Variants in ROBO2 observed in about 807,000 individuals in gnomAD.
The protein encoded by ROBO2 is roundabout homolog 2.
A neutral mutation model predicts 160.8 loss-of-function variants in ROBO2; 53 were observed. The observed-to-expected ratio is 0.33, with a 90% CI of 0.26 to 0.41. The LOEUF (loss-of-function observed/expected upper bound fraction) is 0.41, where lower values mean the gene tolerates loss of function less well. Ranked by LOEUF, ROBO2 falls within the 10% of genes least tolerant of loss-of-function variation. ROBO2 has a pLI of 1.00. For synonymous variants in ROBO2, 664 were observed against 611.7 expected, an observed-to-expected ratio of 1.09 and a Z score of -1.26; for missense variants, 1,577 against 1,722.4, an observed-to-expected ratio of 0.92 and a Z score of 1.49.
intron 2 of ROBO2, among the ~76,000 whole-genome samples, chr3:76,671,130 A>C (rs2092247591): frequency 6.6e-6 from 1 of 152,196 alleles, no homozygotes; most frequent in Non-Finnish European, 1.5e-5. Context: ...GTCTTCTCTA[A>C]ATAGTCATGT....
At chr3:76,175,545 G>T (rs1001574885) in intron 2 of ROBO2, among the ~76,000 whole-genome samples, 13 of 151,994 alleles carry the variant, frequency 8.6e-5, no homozygotes, top group African/African-American at 2.7e-4. Context: ...ATGACATAAT[G>T]TAGGGACCTC....
chr3:76,163,312 G>C (rs1198275069), intron 2 of ROBO2, among the ~76,000 whole-genome samples: 2 of 151,670 alleles, frequency 1.3e-5, no homozygotes, highest in Non-Finnish European at 2.9e-5. Context: ...TGTTAGGTTA[G>C]AGAATTTTAA....
At chr3:77,447,177 C>T (rs901533236) in intron 2 of ROBO2, among the ~76,000 whole-genome samples, 1 of 152,068 alleles carries the variant, frequency 6.6e-6, no homozygotes, top group African/African-American at 2.4e-5. Context: ...TGAAATGTTT[C>T]ATAGCAACAG....
intron 2 of ROBO2, among the ~76,000 whole-genome samples, chr3:76,689,696 G>A (rs1371484921): frequency 6.6e-6 from 1 of 152,110 alleles, no homozygotes; most frequent in African/African-American, 2.4e-5. Flanking sequence ...GAGAGATTAT[G>A]TAGCCATCAT....
At chr3:77,490,202 A>G (rs1175959536) in intron 4 of ROBO2, among the ~76,000 whole-genome samples, 7 of 147,668 alleles carry the variant, frequency 4.7e-5, no homozygotes, top group South Asian at 4.3e-4. Flanking sequence ...CCGGGTTCAC[A>G]CCATTCTCCT....
intron 2 of ROBO2, among the ~76,000 whole-genome samples, chr3:76,077,898 T>G (rs2068694605): frequency 6.6e-6 from 1 of 152,154 alleles, no homozygotes; most frequent in Non-Finnish European, 1.5e-5. Flanking sequence ...GTTGCCAACT[T>G]CCATTGATAA....
chr3:77,368,655 C>T (rs78826516), intron 2 of ROBO2, among the ~76,000 whole-genome samples: 2,044 of 152,230 alleles, frequency 0.013, 46 homozygotes, highest in African/African-American at 0.046. Flanking sequence ...CATGTGTCTC[C>T]GCACAATTCC....
chr3:75,977,028 A>G (rs1164393960), intron 2 of ROBO2, among the ~76,000 whole-genome samples: 3 of 151,642 alleles, frequency 2.0e-5, no homozygotes, highest in Non-Finnish European at 3.0e-5. Context: ...TCCCTTCTTT[A>G]TAATGTGTTG....
intron 2 of ROBO2, among the ~76,000 whole-genome samples, chr3:76,905,615 A>T (rs1166994): frequency 1.3e-5 from 2 of 151,702 alleles, no homozygotes; most frequent in African/African-American, 4.8e-5. Context: ...CTTTCTGGGG[A>T]TTACCTCATT....
chr3:76,912,941 T>C (rs1448669884), intron 2 of ROBO2, among the ~76,000 whole-genome samples: 1 of 151,822 alleles, frequency 6.6e-6, no homozygotes, highest in Non-Finnish European at 1.5e-5. Flanking sequence ...ACATTCTTTG[T>C]ACAGAGGGAG....
At chr3:77,040,343 G>A (rs1359889856) in exon 1 of ROBO2, 2 of 1,000,224 alleles carry the variant, frequency 2.0e-6, no homozygotes, top group African/African-American at 3.5e-5. Flanking sequence ...AAAACCAGTA[G>A]GCAGGCCAAT....
At chr3:77,183,698 A>T (rs7624666) in intron 2 of ROBO2, among the ~76,000 whole-genome samples, 18,077 of 152,014 alleles carry the variant, frequency 0.12, 1,707 homozygotes, top group African/African-American at 0.26. Context: ...ACTACAATAG[A>T]GATGACAGGT....
Position 77,098,253 on chromosome 3 carries a change from A to G in ROBO2, c.301A>G (p.Ser101Gly). 6.2e-7 allele frequency: 1 copy of G among 1,614,218 alleles called. No individual in the cohort carries two copies. The highest frequency in any genetic ancestry group is 8.5e-7 in the Non-Finnish European group (1 of 1,180,048). The change falls in exon 2 of 26, where the codon AGT (serine) becomes GGT (glycine). Residue 101 changes from serine to glycine, a missense_variant. Transcript: ENST00000461745. ...CTTGCGCATCGTGCACGGGCGCAGG[A>G]GTAAACCTGATGAAGGAAGCTACGT...
At chr3:77,568,823 C>T (rs760559261) in intron 13 of ROBO2, among the ~76,000 whole-genome samples, 115 of 152,070 alleles carry the variant, frequency 7.6e-4, no homozygotes, top group Non-Finnish European at 1.3e-3. Context: ...ATTTCCCCTA[C>T]CGTAGCCCTG....
chr3:76,809,989 T>A (rs1223393614), intron 2 of ROBO2, among the ~76,000 whole-genome samples: 2 of 152,092 alleles, frequency 1.3e-5, no homozygotes, highest in Non-Finnish European at 2.9e-5. Flanking sequence ...GAGATATTAT[T>A]ATGCAAAAAT....
At chr3:75,971,453 G>A (rs1185053472) in intron 2 of ROBO2, among the ~76,000 whole-genome samples, 1 of 151,340 alleles carries the variant, frequency 6.6e-6, no homozygotes, top group Non-Finnish European at 1.5e-5. Context: ...TCTTGCCTGT[G>A]GCAAAACTTT....
At chr3:75,942,386 G>A (rs936306841) in intron 2 of ROBO2, among the ~76,000 whole-genome samples, 12 of 152,052 alleles carry the variant, frequency 7.9e-5, no homozygotes, top group Non-Finnish European at 1.5e-4. Flanking sequence ...ATATCATCAA[G>A]CTAAGTAGTA....
At chr3:76,438,009 T>A (rs1167218814) in intron 2 of ROBO2, among the ~76,000 whole-genome samples, 1 of 152,134 alleles carries the variant, frequency 6.6e-6, no homozygotes, top group African/African-American at 2.4e-5. Flanking sequence ...GTAAGACCCA[T>A]TGCAAAAGGT....
chr3:77,446,809 A>G (rs925246580), intron 2 of ROBO2, among the ~76,000 whole-genome samples: 1 of 152,106 alleles, frequency 6.6e-6, no homozygotes, highest in African/African-American at 2.4e-5. Context: ...CAGAAAAAAA[A>G]TCCTTTGGGT....
Sources: gnomAD v4.1 joint callset for allele counts (sites outside exome capture counted in the v4.1 genomes callset) on GRCh38, gnomAD v4.1.1 for gene constraint, MANE v1.5 for transcripts, NCBI Gene and HGNC (gene_info 2026-07-23, HGNC 2026-07-21) for gene names.